The following LRP10 variants were observed in gnomAD, a reference collection of about 807,000 sequenced individuals.
LRP10 encodes LDL receptor related protein 10.
A neutral mutation model predicts 58.5 loss-of-function variants in LRP10; 42 were observed. That is an observed-to-expected ratio of 0.72 (90% CI 0.56 to 0.93). The LOEUF (loss-of-function observed/expected upper bound fraction) is 0.93. LRP10 is among the 40% of genes least tolerant of loss of function. LRP10 has a pLI of 0.00. For missense variants in LRP10, 872 were observed against 940.1 expected (o/e 0.93, Z 0.95); for synonymous variants, 377 against 388.5 (o/e 0.97, Z 0.35).
rs774680948 is a variant in LRP10, at chr14:22,877,037, G to A, written c.1652G>A (p.Arg551His). The A allele has an allele frequency of 1.4e-5, 23 of 1,613,434 alleles. No individual in the cohort carries two copies. The highest frequency in any genetic ancestry group is 6.7e-5 in the East Asian group (3 of 44,894). Residue 551 changes from arginine to histidine, a missense_variant, in exon 7 of 7, where the codon CGC becomes CAC. Transcript: ENST00000359591. This position sits in a 1 kb window ranked among gnomAD's most constrained non-coding sequence, Gnocchi z 5.1. The stretch of plus-strand genomic sequence containing the variant: ...GGTGCCCGCCGTCGTCAGCGGGGCC[G>A]CTTGATGCGACGCCTGGTACGCCGT... The part of the protein sequence containing the change: ...GPGARRRQRG[R>H]LMRRLVRRLR...
intron 3 of LRP10, 148 bp from the exon 4 acceptor site, chr14:22,874,907 G>T: frequency 2.1e-6 from 1 of 471,084 alleles, no homozygotes; most frequent in Non-Finnish European, 3.7e-6. Flanking sequence ...AAATAAATAG[G>T]CTAACTGAGT....
chr14:22,875,662 C>T lies in LRP10; in HGVS notation c.714C>T (p.Ala238=). ...DGRRLAVRFT[A]LDLGFGDAVH... is the part of the protein sequence containing the mutation. Reference sequence around the variant, plus strand: ...GGCGGCTGGCCGTGCGCTTCACAGCCCTGGACTTGGGCTTTGGAGATGCAG... The same window carrying T: ...GGCGGCTGGCCGTGCGCTTCACAGCTCTGGACTTGGGCTTTGGAGATGCAG... Residue 238 remains alanine (A), a synonymous_variant, in exon 5 of 7, where the codon GCC becomes GCT. Coordinates refer to ENST00000359591, the MANE Select transcript of LRP10 (RefSeq NM_014045.5). 1 of 1,614,176 alleles carries T rather than the reference C, an allele frequency of 6.2e-7. No homozygotes were observed. Among genetic ancestry groups the T allele is most frequent in the South Asian group, 1.1e-5 (1 of 91,092 alleles).
Position 22,876,035 on chromosome 14 carries a change from T to C in LRP10, c.1087T>C (p.Cys363Arg). 6.2e-7 allele frequency: 1 copy of C among 1,613,310 alleles called. No homozygotes were observed. Among genetic ancestry groups the C allele is most frequent in the Non-Finnish European group, 8.5e-7 (1 of 1,179,884 alleles). Residue 363 changes from cysteine to arginine, a missense_variant, in exon 5 of 7, where the codon TGT becomes CGT. Physicochemically the swap from Cys to Arg is radical, Grantham distance 180 (BLOSUM62 -3). Transcript: ENST00000359591. The part of the protein sequence containing the change: ...CPGCPPGHFP[C>R]GAAGTSGATA... ...AGGCTGCCCACCTGGACACTTCCCC[T>C]GTGGGGCTGCTGGCACCTCTGGTGC... is the stretch of plus-strand genomic sequence containing the variant.
chr14:22,875,245 G>C lies in LRP10; in HGVS notation c.406G>C (p.Asp136His). Residue 136 changes from aspartate (D) to histidine (H), a missense_variant and splice_region_variant, in exon 4 of 7, where the codon GAT (aspartate) becomes CAT (histidine). Asp to His is a moderately conservative substitution (Grantham distance 81). Transcript: ENST00000359591. ...GQGFLLSYSQ[D>H]WLMCLQEEFQ... is the part of the protein sequence containing the mutation. ...GGGCTTCCTGCTCTCCTACAGCCAAGGTAGGCTGGACAGGGATGTCTGAGG... is the reference window on the plus strand; with the variant it reads ...GGGCTTCCTGCTCTCCTACAGCCAACGTAGGCTGGACAGGGATGTCTGAGG... The C allele has an allele frequency of 6.3e-7, 1 of 1,592,048 alleles. No individual in the cohort carries two copies. The highest frequency in any genetic ancestry group is 8.6e-7 in the Non-Finnish European group (1 of 1,166,566).
At position 22,878,402 on chromosome 14, in the gene LRP10, T is replaced by C. The variant is rs1035236688; in HGVS notation, c.*875T>C. 6.6e-6 allele frequency: 1 copy of C among 152,148 alleles called. No homozygotes were observed. The highest frequency in any genetic ancestry group is 2.4e-5 in the African/African-American group (1 of 41,420). The allele number at this position is 152,148 out of a possible 1,614,324, so 9.4% of individuals were successfully genotyped here. A position where few individuals can be genotyped will look rare whatever the true frequency, so the allele number is the denominator to read the frequency against. ...AGCTGGGCCCTGCGGTCAGGAAGGT[T>C]CTCATTTTTGGAGCATACCCTGAGC... On this transcript the variant is annotated 3_prime_UTR_variant, in exon 7 of 7. Transcript: ENST00000359591.
In LRP10 at chr14:22,877,591, T is replaced by A; in HGVS notation, c.*64T>A. Reference sequence around the variant, plus strand: ...GCTCTACTCATAGTGGCACAACCTTTTAGAGGTGGGTCAGCCTCCCCTCCA... The same window carrying A: ...GCTCTACTCATAGTGGCACAACCTTATAGAGGTGGGTCAGCCTCCCCTCCA... On this transcript the variant is annotated 3_prime_UTR_variant, in exon 7 of 7. Transcript: ENST00000359591. This position sits in a 1 kb window ranked among gnomAD's most constrained non-coding sequence, Gnocchi z 5.1. 1 of 1,307,746 alleles carries A rather than the reference T, an allele frequency of 7.6e-7. No individual in the cohort carries two copies. The highest frequency in any genetic ancestry group is 1.0e-6 in the Non-Finnish European group (1 of 980,776). The allele number at this position is 1,307,746 out of a possible 1,614,324, so 81.0% of individuals were successfully genotyped here.
At position 22,875,043 on chromosome 14, in the gene LRP10, C is replaced by CT. The variant is rs2039987077; in HGVS notation, c.216-11dup. On this transcript the variant is annotated splice_polypyrimidine_tract_variant and intron_variant, in intron 3 of 6. Coordinates refer to ENST00000359591, the MANE Select transcript of LRP10 (RefSeq NM_014045.5). ...AGAGTATCTCATGTCCTGCTCTCCT[C>CT]TACTCCCATAGGTTCCAGAAGCTAC... The CT allele has an allele frequency of 5.8e-6, 9 of 1,540,476 alleles. No individual in the cohort carries two copies. Among genetic ancestry groups the CT allele is most frequent in the Non-Finnish European group, 5.3e-6 (6 of 1,140,914 alleles).
In LRP10 at chr14:22,877,479, G is replaced by A. The variant is rs767915583; in HGVS notation, c.2094G>A (p.Glu698=). ...ATGTGCTACTGGTGCCACTGGCTGA[G>A]CCGGGGGTGTGGGTAGCTGAGGCAG... The part of the protein sequence containing the change: ...EDDVLLVPLA[E]PGVWVAEAED... The change falls in exon 7 of 7, where the codon GAG becomes GAA. Residue 698 remains glutamate, a synonymous_variant. Transcript: ENST00000359591. The surrounding 1 kb of genome is among the most constrained non-coding windows in gnomAD (Gnocchi z 5.1). 1 of 1,611,930 alleles carries A rather than the reference G, an allele frequency of 6.2e-7. No homozygotes were observed. The highest frequency in any genetic ancestry group is 8.5e-7 in the Non-Finnish European group (1 of 1,179,446).
chr14:22,872,388 G>C (rs528720728), intron 1 of LRP10, 51 bp downstream of exon 1: 1 of 1,608,336 alleles, frequency 6.2e-7, no homozygotes, highest in Admixed American at 1.7e-5. Context: ...CGGGCCAGCA[G>C]CTCTAACTCC....
At chr14:22,872,692 C>T (rs760091503) in intron 1 of LRP10, 46 bp from the exon 2 acceptor site, 10 of 1,601,882 alleles carry the variant, frequency 6.2e-6, no homozygotes, top group African/African-American at 1.3e-5. Context: ...GAAGAAAACT[C>T]CTAAGGAGTG....
intron 3 of LRP10, among the ~76,000 whole-genome samples, chr14:22,874,015 G>C (rs1227093281): frequency 6.6e-6 from 1 of 152,208 alleles, no homozygotes; most frequent in Admixed American, 6.5e-5. Context: ...AGGCCCCTCT[G>C]CAAACGGTCC....
At chr14:22,873,220 A>G in intron 2 of LRP10, 91 bp from the exon 3 acceptor site, 1 of 1,498,566 alleles carries the variant, frequency 6.7e-7, no homozygotes, top group Non-Finnish European at 9.0e-7. Context: ...CAGAGCCCAG[A>G]CTTTTGGAAA....
chr14:22,872,111 C>G lies in LRP10; in HGVS notation c.-193C>G, dbSNP rs1370223812. 3.2e-6 allele frequency: 2 copies of G among 616,688 alleles called. No homozygotes were observed. The highest frequency in any genetic ancestry group is 2.9e-6 in the Non-Finnish European group (1 of 346,640). 38.2% of individuals were successfully genotyped at this position (616,688 alleles called of 1,614,324 possible). On this transcript the variant is annotated 5_prime_UTR_variant, in exon 1 of 7. Coordinates refer to ENST00000359591, the MANE Select transcript of LRP10 (RefSeq NM_014045.5). ...ACAACTCCAAAGTTGGCGAAAGGCA[C>G]CGCCCCTACTCCCGGGCTGCCGCCG...
At position 22,872,229 on chromosome 14, in the gene LRP10, C is replaced by T. The variant is rs1008037365; in HGVS notation, c.-75C>T. ...GGCGGCACCAGGGAGCCTGGGCGCC[C>T]GGGGCTCCGCCGCGACCCCATCGGG... On this transcript the variant is annotated 5_prime_UTR_variant, in exon 1 of 7. Coordinates refer to ENST00000359591, the MANE Select transcript of LRP10 (RefSeq NM_014045.5). The T allele has an allele frequency of 9.7e-6, 15 of 1,543,990 alleles. No homozygotes were observed. In the African/African-American group the frequency reaches 1.2e-4, roughly 13 times the overall value.
In LRP10 at chr14:22,871,823, C is replaced by T. The variant is rs1035124408; in HGVS notation, c.-481C>T. Reference sequence around the variant, plus strand: ...GGGCGCCGGGCCGAGCCACCTCTTCCCCTCCCCCGCTTCCCTGTCGCGCTC... The same window carrying T: ...GGGCGCCGGGCCGAGCCACCTCTTCTCCTCCCCCGCTTCCCTGTCGCGCTC... On this transcript the variant is annotated 5_prime_UTR_variant, in exon 1 of 7. Coordinates refer to ENST00000359591, the MANE Select transcript of LRP10 (RefSeq NM_014045.5). 1 of 186,770 alleles carries T rather than the reference C, an allele frequency of 5.4e-6. No individual in the cohort carries two copies. Among genetic ancestry groups the T allele is most frequent in the African/African-American group, 2.4e-5 (1 of 41,662 alleles). The allele number at this position is 186,770 out of a possible 1,614,324, so 11.6% of individuals were successfully genotyped here.
chr14:22,874,127 C>T (rs576573553), intron 3 of LRP10, among the ~76,000 whole-genome samples: 10 of 152,252 alleles, frequency 6.6e-5, no homozygotes, highest in Non-Finnish European at 1.0e-4. Flanking sequence ...CCCTCAGCCT[C>T]TCTGGATCTT....
In LRP10 at chr14:22,871,979, G is replaced by A; in HGVS notation, c.-325G>A. Reference sequence around the variant, plus strand: ...GTGGCGACCAGGCCAGACCAGGGGCGCTCGCTGCCTGCGGGCGGGCTGTAG... The same window carrying A: ...GTGGCGACCAGGCCAGACCAGGGGCACTCGCTGCCTGCGGGCGGGCTGTAG... On this transcript the variant is annotated 5_prime_UTR_variant, in exon 1 of 7. Coordinates refer to ENST00000359591, the MANE Select transcript of LRP10 (RefSeq NM_014045.5). 4.0e-6 allele frequency: 2 copies of A among 500,466 alleles called. No homozygotes were observed. Among genetic ancestry groups the A allele is most frequent in the East Asian group, 3.9e-5 (1 of 25,882 alleles). 31.0% of individuals were successfully genotyped at this position (500,466 alleles called of 1,614,324 possible).
At position 22,879,046 on chromosome 14, in the gene LRP10, C is replaced by T. The variant is rs966187269; in HGVS notation, c.*1519C>T. ...CCCTCAGGCTCTCCTTGTCTAGCCCCACACCTGGCAGAGCCTGTCACCCAG... is the reference window on the plus strand; with the variant it reads ...CCCTCAGGCTCTCCTTGTCTAGCCCTACACCTGGCAGAGCCTGTCACCCAG... On this transcript the variant is annotated 3_prime_UTR_variant, in exon 7 of 7. Coordinates refer to ENST00000359591, the MANE Select transcript of LRP10 (RefSeq NM_014045.5). The T allele has an allele frequency of 2.7e-6, 1 of 372,638 alleles. No individual in the cohort carries two copies. Among genetic ancestry groups the T allele is most frequent in the African/African-American group, 2.1e-5 (1 of 48,394 alleles). 23.1% of individuals were successfully genotyped at this position (372,638 alleles called of 1,614,324 possible). A position where few individuals can be genotyped will look rare whatever the true frequency, so the allele number is the denominator to read the frequency against.
rs762297651 is a variant in LRP10, at chr14:22,876,374, T to G, written c.1424+2T>G. The G allele has an allele frequency of 1.2e-6, 2 of 1,612,112 alleles. No homozygotes were observed. Among genetic ancestry groups the G allele is most frequent in the East Asian group, 4.5e-5 (2 of 44,830 alleles). ...TGCCATTCGCACCCAGGAGTACAGGTCAGTGGGAGTGGGGCTGGCAGTAGA... is the reference window on the plus strand; with the variant it reads ...TGCCATTCGCACCCAGGAGTACAGGGCAGTGGGAGTGGGGCTGGCAGTAGA... On this transcript the variant is annotated splice_donor_variant, in intron 5 of 6. Transcript: ENST00000359591. LOFTEE classifies it high-confidence loss of function.
Sources: allele counts gnomAD v4.1 joint callset (sites outside exome capture counted in the v4.1 genomes callset), GRCh38; gene constraint gnomAD v4.1.1; non-coding constraint Gnocchi (gnomAD v3.1); transcripts MANE v1.5; gene names NCBI Gene and HGNC (gene_info 2026-07-23, HGNC 2026-07-21).